The following SLCO1B3 variants were observed in gnomAD, a reference collection of about 807,000 sequenced individuals.
SLCO1B3 encodes solute carrier organic anion transporter family member 1B3, also known as liver-specific organic anion transporter 2.
SLCO1B3 carries 72 observed loss-of-function variants against 71.8 expected under a neutral mutation model. The observed-to-expected ratio is 1.00, with a 90% CI of 0.83 to 1.22. The LOEUF (loss-of-function observed/expected upper bound fraction) is 1.22, where lower values mean the gene tolerates loss of function less well. Ranked by LOEUF, SLCO1B3 falls within the 50% of genes most tolerant of loss-of-function variation. SLCO1B3 has a pLI of 0.00. For missense variants in SLCO1B3, 911 were observed against 819.7 expected, an observed-to-expected ratio of 1.11 and a Z score of -1.36; for synonymous variants, 298 against 278.4, an observed-to-expected ratio of 1.07 and a Z score of -0.70.
intron 13 of SLCO1B3, among the ~76,000 whole-genome samples, chr12:20,884,633 C>T (rs369754233): frequency 7.2e-5 from 11 of 151,960 alleles, no homozygotes; most frequent in South Asian, 2.1e-4. Flanking sequence ...TCACCTAAAA[C>T]GGGAAACATG....
chr12:20,814,242 T>C (rs1864153491), intron 2 of SLCO1B3, among the ~76,000 whole-genome samples: 1 of 152,178 alleles, frequency 6.6e-6, no homozygotes, highest in East Asian at 1.9e-4. Flanking sequence ...AAAAGTTGAC[T>C]CATTTTACTG....
At chr12:20,842,801 A>T (rs1864830536) in intron 3 of SLCO1B3, among the ~76,000 whole-genome samples, 1 of 152,160 alleles carries the variant, frequency 6.6e-6, no homozygotes, top group South Asian at 2.1e-4. Context: ...ATACTGTAGC[A>T]TATTGCTATG....
At chr12:20,905,634 A>T (rs2417885) in intron 15 of SLCO1B3, among the ~76,000 whole-genome samples, 108,646 of 152,042 alleles carry the variant, frequency 0.71, 43,064 homozygotes, top group South Asian at 0.94. Context: ...ACCAGTCTCT[A>T]AGCTAAAGCA....
At chr12:20,860,173 T>C (rs1343618938) in intron 5 of SLCO1B3, among the ~76,000 whole-genome samples, 2 of 152,112 alleles carry the variant, frequency 1.3e-5, no homozygotes, top group African/African-American at 4.8e-5. Context: ...GCCAGGGTGG[T>C]CTGGATCTCC....
chr12:20,842,565 C>A (rs946556706), intron 3 of SLCO1B3, among the ~76,000 whole-genome samples: 1 of 151,912 alleles, frequency 6.6e-6, no homozygotes, highest in Non-Finnish European at 1.5e-5. Context: ...ATTAGGAATA[C>A]CTGTTATCAA....
intron 3 of SLCO1B3, among the ~76,000 whole-genome samples, chr12:20,829,336 A>T (rs577486174): frequency 3.3e-5 from 5 of 152,190 alleles, no homozygotes; most frequent in African/African-American, 1.2e-4. Flanking sequence ...GCTCTCTACC[A>T]TCCTAGAAGC....
chr12:20,896,408 A>T (rs1866008139), intron 13 of SLCO1B3, among the ~76,000 whole-genome samples: 1 of 152,184 alleles, frequency 6.6e-6, no homozygotes, highest in Non-Finnish European at 1.5e-5. Context: ...TTTCTGACAG[A>T]TACCCTAAAT....
chr12:20,832,605 C>T (rs1272792397), intron 3 of SLCO1B3, among the ~76,000 whole-genome samples: 1 of 152,116 alleles, frequency 6.6e-6, no homozygotes, highest in Non-Finnish European at 1.5e-5. Flanking sequence ...GATCCATATC[C>T]CACAGGTTTT....
intron 1 of SLCO1B3, among the ~76,000 whole-genome samples, chr12:20,811,421 T>G (rs1864108867): frequency 6.6e-6 from 1 of 152,200 alleles, no homozygotes; most frequent in African/African-American, 2.4e-5. Flanking sequence ...ACAGTTATTT[T>G]TATTGTGAAA....
At chr12:20,890,810 T>A (rs1360848448) in intron 13 of SLCO1B3, among the ~76,000 whole-genome samples, 2 of 152,202 alleles carry the variant, frequency 1.3e-5, no homozygotes, top group Admixed American at 1.3e-4. Context: ...ATTTGTTTTA[T>A]CTAATGCCAG....
chr12:20,858,158 A>T (rs1293141950), intron 4 of SLCO1B3, among the ~76,000 whole-genome samples: 1 of 152,070 alleles, frequency 6.6e-6, no homozygotes, highest in Non-Finnish European at 1.5e-5. Flanking sequence ...TTCCAATGCA[A>T]TCCAGTAAAC....
intron 8 of SLCO1B3, among the ~76,000 whole-genome samples, chr12:20,865,749 A>G (rs908661212): frequency 1.3e-5 from 2 of 152,114 alleles, no homozygotes; most frequent in African/African-American, 4.8e-5. Flanking sequence ...TTATTTTATA[A>G]TTTACTACAA....
At chr12:20,860,710 T>TA (rs1173710941) in intron 5 of SLCO1B3, among the ~76,000 whole-genome samples, 12 of 151,012 alleles carry the variant, frequency 7.9e-5, no homozygotes, top group South Asian at 4.2e-4. Context: ...AGTTAACAGA[T>TA]AAAAAAACAA....
intron 8 of SLCO1B3, among the ~76,000 whole-genome samples, chr12:20,871,622 A>C (rs1189077366): frequency 6.6e-6 from 1 of 152,176 alleles, no homozygotes; most frequent in Admixed American, 6.5e-5. Flanking sequence ...TTACAGTCTT[A>C]GAGAGGTACT....
chr12:20,877,859 T>C lies in SLCO1B3; in HGVS notation c.1058T>C (p.Ile353Thr), dbSNP rs766000544. 9.4e-6 allele frequency: 15 copies of C among 1,591,426 alleles called. No individual in the cohort carries two copies. Among genetic ancestry groups the C allele is most frequent in the Non-Finnish European group, 1.3e-5 (15 of 1,169,466 alleles). ...ACATTGTTACAAGTAAGCAGCTTTA[T>C]TGGTTCTTTTACTTACGTCTTTAAA... ...LLTLLQVSSFIGSFTYVFKYM... is the reference protein window; with the variant it reads ...LLTLLQVSSFTGSFTYVFKYM... Residue 353 changes from isoleucine (I) to threonine (T), a missense_variant, in exon 10 of 16, where the codon ATT becomes ACT. Physicochemically the swap from Ile to Thr is moderately conservative, Grantham distance 89. Transcript: ENST00000381545.
intron 13 of SLCO1B3, among the ~76,000 whole-genome samples, chr12:20,897,590 C>G (rs1025587149): frequency 3.9e-5 from 6 of 152,134 alleles, no homozygotes; most frequent in Non-Finnish European, 7.4e-5. Context: ...TTAGTAGGTG[C>G]TTAGTGAATG....
chr12:20,868,986 A>G (rs1865424466), intron 8 of SLCO1B3, among the ~76,000 whole-genome samples: 1 of 152,132 alleles, frequency 6.6e-6, no homozygotes, highest in South Asian at 2.1e-4. Flanking sequence ...AGGCAGAGCC[A>G]AGTGTACAGG....
chr12:20,874,564 C>G (rs938642010), intron 8 of SLCO1B3, among the ~76,000 whole-genome samples: 1 of 152,126 alleles, frequency 6.6e-6, no homozygotes, highest in African/African-American at 2.4e-5. Context: ...TAAAATAACT[C>G]ATTGACATTT....
chr12:20,879,697 G>A (rs1865653632), intron 11 of SLCO1B3, 66 bp downstream of exon 11: 1 of 1,016,898 alleles, frequency 9.8e-7, no homozygotes, highest in Non-Finnish European at 1.4e-6. Flanking sequence ...TTATGTGCAA[G>A]TAAAATAAGG....
Sources: allele counts gnomAD v4.1 joint callset (sites outside exome capture counted in the v4.1 genomes callset), GRCh38; gene constraint gnomAD v4.1.1; transcripts MANE v1.5; gene names NCBI Gene and HGNC (gene_info 2026-07-23, HGNC 2026-07-21).